Variants in CTTNBP2NL observed in about 807,000 individuals in gnomAD.
CTTNBP2NL encodes CTTNBP2 N-terminal like, also known as CTTNBP2 N-terminal-like protein.
CTTNBP2NL carries 16 observed loss-of-function variants against 32.5 expected under a neutral mutation model. The observed-to-expected ratio is 0.49, with a 90% CI of 0.33 to 0.75. CTTNBP2NL has a LOEUF of 0.75. Among genes scored for constraint, CTTNBP2NL ranks in the 30% least tolerant of loss-of-function variants. The probability of loss-of-function intolerance (pLI) is 0.02; values close to 1 mark genes in which losing one functional copy is unlikely to be tolerated. For synonymous variants in CTTNBP2NL, 298 were observed against 289.4 expected (o/e 1.03, Z -0.30); for missense variants, 645 against 756.0 (o/e 0.85, Z 1.72).
chr1:112,423,419 G>A (rs116384328), intron 3 of CTTNBP2NL, among the ~76,000 whole-genome samples: 2,068 of 151,976 alleles, frequency 0.014, 43 homozygotes, highest in African/African-American at 0.047. Context: ...TAATTAGCTC[G>A]ATTTTGCCAT....
At chr1:112,443,679 C>G (rs184683581) in intron 3 of CTTNBP2NL, among the ~76,000 whole-genome samples, 2 of 152,286 alleles carry the variant, frequency 1.3e-5, no homozygotes, top group African/African-American at 4.8e-5. Context: ...ACAATTTTCT[C>G]TCTTTACTGT....
intron 3 of CTTNBP2NL, among the ~76,000 whole-genome samples, chr1:112,441,984 C>T (rs1649903267): frequency 6.6e-6 from 1 of 152,212 alleles, no homozygotes; most frequent in African/African-American, 2.4e-5. Flanking sequence ...TCAACTGGAA[C>T]AAATGTACCA....
At chr1:112,448,838 T>C in intron 3 of CTTNBP2NL, 104 bp from the exon 4 acceptor site, 2 of 669,020 alleles carry the variant, frequency 3.0e-6, no homozygotes, top group Non-Finnish European at 5.3e-6. Context: ...TAGGTTACAT[T>C]TATACTAATA....
At chr1:112,451,161 A>G (rs1054502227) in intron 4 of CTTNBP2NL, among the ~76,000 whole-genome samples, 1 of 151,878 alleles carries the variant, frequency 6.6e-6, no homozygotes, top group African/African-American at 2.4e-5. Context: ...GCTAACCTCC[A>G]TATTTCTAAA....
At chr1:112,422,709 C>T (rs946349643) in intron 3 of CTTNBP2NL, among the ~76,000 whole-genome samples, 16 of 152,188 alleles carry the variant, frequency 1.1e-4, no homozygotes, top group Admixed American at 9.2e-4. Context: ...TTAAAATTTG[C>T]ATATTATTGT....
intron 2 of CTTNBP2NL, among the ~76,000 whole-genome samples, chr1:112,413,270 T>G (rs1482856741): frequency 6.6e-6 from 1 of 152,226 alleles, no homozygotes; most frequent in East Asian, 1.9e-4. Context: ...AAGCTTAAAC[T>G]AGAACCAAGA....
chr1:112,417,663 T>C (rs1252588482), intron 3 of CTTNBP2NL, among the ~76,000 whole-genome samples: 1 of 152,196 alleles, frequency 6.6e-6, no homozygotes, highest in African/African-American at 2.4e-5. Context: ...GAGGCTTAAC[T>C]CTGTGCAGTT....
At position 112,457,101 on chromosome 1, in the gene CTTNBP2NL, G is replaced by A. The variant is rs996321504; in HGVS notation, c.1609G>A (p.Ala537Thr). 1 of 1,614,104 alleles carries A rather than the reference G, an allele frequency of 6.2e-7. No homozygotes were observed. The highest frequency in any genetic ancestry group is 1.7e-5 in the Admixed American group (1 of 60,012). Residue 537 changes from alanine (A) to threonine (T), a missense_variant, in exon 6 of 6, where the codon GCC becomes ACC. Physicochemically the swap from Ala to Thr is moderately conservative, Grantham distance 58 (BLOSUM62 0). Coordinates refer to ENST00000271277, the MANE Select transcript of CTTNBP2NL (RefSeq NM_018704.3). ...CTTTGGCACAGACTATCGAAATCTAGCCAACACTGCCAATCCAAGAGGTGA... is the reference window on the plus strand; with the variant it reads ...CTTTGGCACAGACTATCGAAATCTAACCAACACTGCCAATCCAAGAGGTGA... ...SPFGTDYRNLANTANPRGDTS... is the reference protein window; with the variant it reads ...SPFGTDYRNLTNTANPRGDTS...
intron 3 of CTTNBP2NL, among the ~76,000 whole-genome samples, chr1:112,443,841 T>A (rs1649964024): frequency 6.6e-6 from 1 of 152,250 alleles, no homozygotes; most frequent in African/African-American, 2.4e-5. Flanking sequence ...ATTGTTGTCA[T>A]CTTTATCCAG....
Position 112,449,189 on chromosome 1 carries a change from T to C in CTTNBP2NL, c.330+17T>C. The C allele has an allele frequency of 6.9e-6, 10 of 1,440,118 alleles. No individual in the cohort carries two copies. The highest frequency in any genetic ancestry group is 8.8e-6 in the Non-Finnish European group (9 of 1,024,598). The allele number at this position is 1,440,118 out of a possible 1,614,324, so 89.2% of individuals were successfully genotyped here. On this transcript the variant is annotated intron_variant, in intron 4 of 5. Transcript: ENST00000271277. ...CACCGAAAGGTAGGTTCACCTCAGT[T>C]GATGTGTAAATCTTTGTGAAGTCTT...
At chr1:112,444,220 A>G (rs1000725111) in intron 3 of CTTNBP2NL, among the ~76,000 whole-genome samples, 1 of 152,198 alleles carries the variant, frequency 6.6e-6, no homozygotes, top group African/African-American at 2.4e-5. Flanking sequence ...ATTCTTCACC[A>G]TTGGATTTTG....
At chr1:112,394,376 G>A (rs966602198), upstream of CTTNBP2NL, among the ~76,000 whole-genome samples, 8 of 152,140 alleles carry the variant, frequency 5.3e-5, no homozygotes, top group African/African-American at 1.9e-4. Context: ...CGAAAGGGAG[G>A]AGGAGGAAAT....
At position 112,459,107 on chromosome 1, in the gene CTTNBP2NL, A is replaced by C. The variant is rs1462290246; in HGVS notation, c.*1695A>C. 2.0e-5 allele frequency: 3 copies of C among 152,218 alleles called. No individual in the cohort carries two copies. Among genetic ancestry groups the C allele is most frequent in the Non-Finnish European group, 4.4e-5 (3 of 68,040 alleles). The allele number at this position is 152,218 out of a possible 1,614,324, so 9.4% of individuals were successfully genotyped here. On this transcript the variant is annotated 3_prime_UTR_variant, in exon 6 of 6. Coordinates refer to ENST00000271277, the MANE Select transcript of CTTNBP2NL (RefSeq NM_018704.3). ...TCAAGAAGTGATTTTAAAATGTTTA[A>C]ATGGTGCTGGTTAAACAAACACGTC...
chr1:112,426,113 C>A (rs1209323436), intron 3 of CTTNBP2NL, among the ~76,000 whole-genome samples: 1 of 151,170 alleles, frequency 6.6e-6, no homozygotes, highest in Non-Finnish European at 1.5e-5. Context: ...AGTTGTTGGC[C>A]GTAGGTTTTT....
intron 1 of CTTNBP2NL, among the ~76,000 whole-genome samples, chr1:112,397,652 T>C (rs1377085487): frequency 6.6e-6 from 1 of 152,254 alleles, no homozygotes; most frequent in African/African-American, 2.4e-5. Flanking sequence ...AGTGTTGATT[T>C]TGACCTCATG....
chr1:112,453,670 C>T (rs762828751), intron 4 of CTTNBP2NL, among the ~76,000 whole-genome samples: 11 of 152,104 alleles, frequency 7.2e-5, no homozygotes, highest in Non-Finnish European at 1.6e-4. Context: ...GGGAGAATCT[C>T]TTGAGCTCGG....
Position 112,460,485 on chromosome 1 carries a change from C to G in CTTNBP2NL, c.*3073C>G, listed in dbSNP as rs1308522012. 1 of 152,058 alleles carries G rather than the reference C, an allele frequency of 6.6e-6. No individual in the cohort carries two copies. The allele number at this position is 152,058 out of a possible 1,614,324, so 9.4% of individuals were successfully genotyped here. On this transcript the variant is annotated 3_prime_UTR_variant, in exon 6 of 6. Transcript: ENST00000271277. ...TTTAAACCTTTTGGTGGTTCTGGAC[C>G]TTTTTGAGAATCTTAGAAAAGCCAT... is the stretch of plus-strand genomic sequence containing the variant.
At chr1:112,412,941 T>G (rs114161268) in intron 2 of CTTNBP2NL, among the ~76,000 whole-genome samples, 2,472 of 152,234 alleles carry the variant, frequency 0.016, 72 homozygotes, top group African/African-American at 0.056. Flanking sequence ...GACATATTAG[T>G]GAAATGTTCC....
chr1:112,442,023 G>A (rs771784813), intron 3 of CTTNBP2NL, among the ~76,000 whole-genome samples: 30 of 152,216 alleles, frequency 2.0e-4, no homozygotes, highest in Non-Finnish European at 4.0e-4. Flanking sequence ...TAATGGGGGC[G>A]GCTGTGCCTG....
Sources: gnomAD v4.1 joint callset for allele counts (sites outside exome capture counted in the v4.1 genomes callset) on GRCh38, gnomAD v4.1.1 for gene constraint, MANE v1.5 for transcripts, NCBI Gene and HGNC (gene_info 2026-07-23, HGNC 2026-07-21) for gene names.